The following WDSUB1 variants were observed in gnomAD, a reference collection of about 807,000 sequenced individuals.
WDSUB1 encodes the protein WD repeat, sterile alpha motif and U-box domain containing 1.
In WDSUB1, 49 loss-of-function variants were observed where a neutral mutation model predicts 53.9. That is an observed-to-expected ratio of 0.91 (90% confidence interval 0.72 to 1.15). The LOEUF (loss-of-function observed/expected upper bound fraction) is 1.15, where lower values mean the gene tolerates loss of function less well. Ranked by LOEUF, WDSUB1 falls within the 50% of genes most tolerant of loss-of-function variation. The pLI is 0.00. For synonymous variants in WDSUB1, 194 were observed against 200.6 expected (o/e 0.97, Z 0.28); for missense variants, 514 against 562.0 (o/e 0.91, Z 0.86).
intron 5 of WDSUB1, 36 bp from the exon 6 acceptor site, chr2:159,259,879 TA>T: frequency 6.8e-7 from 1 of 1,471,416 alleles, no homozygotes. Context: ...AAAAGTTCTA[TA>T]AAAACAAAGT....
intron 4 of WDSUB1, among the ~76,000 whole-genome samples, chr2:159,273,985 A>T (rs1324301166): frequency 2.0e-5 from 3 of 152,216 alleles, no homozygotes; most frequent in Non-Finnish European, 4.4e-5. Flanking sequence ...AATCAAGATG[A>T]CCACAAAATT....
Position 159,279,648 on chromosome 2 carries a change from G to A in WDSUB1, c.583+113C>T, listed in dbSNP as rs547724337. 39 of 863,064 alleles carry A rather than the reference G, an allele frequency of 4.5e-5. No individual in the cohort carries two copies. The African/African-American group carries it at 6.3e-4, about 14-fold the overall frequency. The allele number at this position is 863,064 out of a possible 1,614,324, so 53.5% of individuals were successfully genotyped here. On this transcript the variant is annotated intron_variant, in intron 3 of 10. Coordinates refer to ENST00000359774, the MANE Select transcript of WDSUB1 (RefSeq NM_001128212.3). Reference sequence around the variant, plus strand: ...ATCCCTTTACAGGAATAAATTAAGAGGGCTCCTCACTCTACTAATGATAAC... The same window carrying A: ...ATCCCTTTACAGGAATAAATTAAGAAGGCTCCTCACTCTACTAATGATAAC...
intron 10 of WDSUB1, among the ~76,000 whole-genome samples, chr2:159,244,022 ATAGTC>A (rs1413169742): frequency 7.1e-6 from 1 of 140,642 alleles, no homozygotes; most frequent in East Asian, 1.9e-4. Flanking sequence ...CTATCCTATT[ATAGTC>A]TAAAGGAGGA....
chr2:159,283,059 A>G lies in WDSUB1; in HGVS notation c.11T>C (p.Leu4Pro), dbSNP rs142277350. The change falls in exon 2 of 11, where the codon CTG (leucine) becomes CCG (proline). Residue 4 changes from leucine to proline, a missense_variant. Leu to Pro is a moderately conservative substitution (Grantham distance 98, BLOSUM62 -3). Coordinates refer to ENST00000359774, the MANE Select transcript of WDSUB1 (RefSeq NM_001128212.3). ...ACCATGATCAGCTAATGTGTGAATC[A>G]GTTTCACCATGTTCTTTATTTGAAG... MVK[L>P]IHTLADHGDD... 1.7e-5 allele frequency: 28 copies of G among 1,601,960 alleles called. No homozygotes were observed. Among genetic ancestry groups the G allele is most frequent in the Non-Finnish European group, 2.6e-6 (3 of 1,171,562 alleles).
chr2:159,242,864 C>G (rs996282503), intron 10 of WDSUB1, among the ~76,000 whole-genome samples: 1 of 147,534 alleles, frequency 6.8e-6, no homozygotes, highest in Non-Finnish European at 1.5e-5. Context: ...TACAAGAATG[C>G]TGAAATACAA....
intron 3 of WDSUB1, among the ~76,000 whole-genome samples, chr2:159,276,090 G>A (rs186090204): frequency 2.0e-5 from 3 of 148,300 alleles, no homozygotes; most frequent in Non-Finnish European, 4.4e-5. Flanking sequence ...ATGGAGTCTC[G>A]CTCTGATGCC....
At chr2:159,249,913 A>G (rs1322334418) in intron 9 of WDSUB1, among the ~76,000 whole-genome samples, 2 of 146,702 alleles carry the variant, frequency 1.4e-5, no homozygotes, top group Non-Finnish European at 3.0e-5. Context: ...TAAAAATACA[A>G]AAAAAAAAAA....
intron 9 of WDSUB1, among the ~76,000 whole-genome samples, chr2:159,250,218 A>AAGTT (rs1324267525): frequency 1.3e-5 from 2 of 152,094 alleles, no homozygotes; most frequent in Middle Eastern, 3.2e-3. Flanking sequence ...TGAATGTGGC[A>AAGTT]AGTTACCCTA....
intron 5 of WDSUB1, among the ~76,000 whole-genome samples, chr2:159,261,849 T>A (rs1407081251): frequency 7.0e-5 from 1 of 14,226 alleles, no homozygotes; most frequent in Non-Finnish European, 1.0e-4. Context: ...CTGAAACTCA[T>A]ATATATATAT....
chr2:159,252,170 T>C (rs2060964868), intron 9 of WDSUB1, among the ~76,000 whole-genome samples: 1 of 152,106 alleles, frequency 6.6e-6, no homozygotes, highest in Non-Finnish European at 1.5e-5. Flanking sequence ...ATCAAATTTC[T>C]ACATAGAATG....
At chr2:159,275,700 C>T in intron 3 of WDSUB1, 62 bp from the exon 4 acceptor site, 4 of 1,319,956 alleles carry the variant, frequency 3.0e-6, no homozygotes, top group Non-Finnish European at 4.2e-6. Flanking sequence ...CCCAAAATTC[C>T]CATTTCTTAT....
At chr2:159,237,245 C>T (rs150417670) in intron 10 of WDSUB1, among the ~76,000 whole-genome samples, 1,934 of 152,252 alleles carry the variant, frequency 0.013, 27 homozygotes, top group Non-Finnish European at 0.017. Flanking sequence ...ATAGGCTGGG[C>T]GTGGTGGCTT....
At chr2:159,250,085 C>A (rs2060914294) in intron 9 of WDSUB1, among the ~76,000 whole-genome samples, 1 of 44,596 alleles carries the variant, frequency 2.2e-5, no homozygotes, top group African/African-American at 7.4e-5. Context: ...TGAGACTCTG[C>A]CTCAAAAAAA....
At chr2:159,266,395 A>G (rs1317205084) in intron 5 of WDSUB1, among the ~76,000 whole-genome samples, 2 of 152,136 alleles carry the variant, frequency 1.3e-5, no homozygotes, top group Non-Finnish European at 2.9e-5. Flanking sequence ...TCACCATGTT[A>G]GCCAGGATGG....
At position 159,279,850 on chromosome 2, in the gene WDSUB1, ACT is replaced by A. The variant is rs774897311; in HGVS notation, c.492_493del (p.Trp166GlyfsTer2). 6 of 1,612,746 alleles carry A rather than the reference ACT, an allele frequency of 3.7e-6. No individual in the cohort carries two copies. Among genetic ancestry groups the A allele is most frequent in the Non-Finnish European group, 4.2e-6 (5 of 1,179,082 alleles). On this transcript the variant is annotated frameshift_variant, in exon 3 of 11. Transcript: ENST00000359774. LOFTEE classifies it high-confidence loss of function. ...CAGACACCTCATTTTATCATCCCAC[ACT>A]GTTAAATCACCACATGAGGAGCCAG...
intron 3 of WDSUB1, 128 bp from the exon 4 acceptor site, chr2:159,275,766 T>G (rs2061527455): frequency 1.5e-6 from 1 of 667,204 alleles, no homozygotes; most frequent in African/African-American, 1.9e-5. Flanking sequence ...ATTAGTTAAC[T>G]TATATCATTT....
In WDSUB1 at chr2:159,282,831, A is replaced by T; in HGVS notation, c.239T>A (p.Leu80Gln). Residue 80 changes from leucine (L) to glutamine (Q), a missense_variant, in exon 2 of 11, where the codon CTA becomes CAA. By Grantham distance (113) the Leu-to-Gln change is moderately radical (BLOSUM62 -2). Coordinates refer to ENST00000359774, the MANE Select transcript of WDSUB1 (RefSeq NM_001128212.3). ...CATCTGTCCATTTTCAGTATTCCAT[A>T]GGACAGTGGTACCATCTGTTGAACA... Reference protein sequence around the residue: ...ASCSTDGTTVLWNTENGQMLA... With the variant: ...ASCSTDGTTVQWNTENGQMLA... 1 of 1,614,206 alleles carries T rather than the reference A, an allele frequency of 6.2e-7. No individual in the cohort carries two copies. The highest frequency in any genetic ancestry group is 8.5e-7 in the Non-Finnish European group (1 of 1,180,038).
intron 3 of WDSUB1, among the ~76,000 whole-genome samples, chr2:159,277,386 G>A (rs1003048856): frequency 6.6e-6 from 1 of 152,118 alleles, no homozygotes; most frequent in African/African-American, 2.4e-5. Flanking sequence ...AATTAGCAAC[G>A]CTATTTGTTT....
intron 10 of WDSUB1, among the ~76,000 whole-genome samples, chr2:159,237,128 A>G (rs1270089853): frequency 6.6e-6 from 1 of 152,220 alleles, no homozygotes; most frequent in Non-Finnish European, 1.5e-5. Flanking sequence ...CATAAAACTG[A>G]AAGAAATTTT....
Sources: gnomAD v4.1 joint callset for allele counts (sites outside exome capture counted in the v4.1 genomes callset) on GRCh38, gnomAD v4.1.1 for gene constraint, MANE v1.5 for transcripts, NCBI Gene and HGNC (gene_info 2026-07-23, HGNC 2026-07-21) for gene names.